Variants in MAN1A2 observed in about 807,000 individuals in gnomAD.
MAN1A2 encodes the protein mannosidase alpha class 1A member 2.
A neutral mutation model predicts 75.7 loss-of-function variants in MAN1A2; 26 were observed. The ratio of observed to expected loss-of-function variants is 0.34; its 90% CI spans 0.25 to 0.48. The LOEUF is 0.48. Among genes scored for constraint, MAN1A2 ranks in the 20% least tolerant of loss-of-function variants. The pLI, the probability that MAN1A2 is intolerant of heterozygous loss-of-function variation, is 0.99. For missense variants in MAN1A2, 562 were observed against 775.5 expected (o/e 0.72, Z 3.27); for synonymous variants, 247 against 264.6 (o/e 0.93, Z 0.65).
chr1:117,445,848 GTGTGTGTGTGTA>G (rs1179018618), intron 6 of MAN1A2, among the ~76,000 whole-genome samples: 63 of 89,860 alleles, frequency 7.0e-4, no homozygotes, highest in Admixed American at 2.3e-3. Context: ...ATTTGTGTGT[GTGTGTGTGTGTA>G]TGTGTGTGTG....
intron 1 of MAN1A2, among the ~76,000 whole-genome samples, chr1:117,397,562 G>A (rs959575460): frequency 3.3e-5 from 5 of 150,528 alleles, no homozygotes; most frequent in Admixed American, 3.3e-4. Context: ...ATAACACCTT[G>A]TCATTAATTT....
At chr1:117,510,865 G>T (rs531465663) in intron 12 of MAN1A2, among the ~76,000 whole-genome samples, 8 of 151,964 alleles carry the variant, frequency 5.3e-5, no homozygotes, top group Non-Finnish European at 8.8e-5. Flanking sequence ...GTGCCTGCCT[G>T]TAAAAATATG....
At chr1:117,445,880 G>A (rs1319006697) in intron 6 of MAN1A2, among the ~76,000 whole-genome samples, 24,009 of 118,818 alleles carry the variant, frequency 0.2, 3,840 homozygotes, top group East Asian at 0.41. Flanking sequence ...GTGTCTGTGT[G>A]TGTGTATATA....
In MAN1A2 at chr1:117,458,523, A is replaced by ATTTTTTTTTTTTTTTTT. The variant is rs5777311; in HGVS notation, c.951-1965_951-1949dup. On this transcript the variant is annotated intron_variant, in intron 6 of 12. Coordinates refer to ENST00000356554, the MANE Select transcript of MAN1A2 (RefSeq NM_006699.5). ...TATATATATATATAGATATATATAT[A>ATTTTTTTTTTTTTTTTT]TTTTTTTTTTTTTTTTTGAGACAGA... 5.2e-4 allele frequency among the ~76,000 whole-genome samples: 55 copies of ATTTTTTTTTTTTTTTTT among 105,568 alleles called. 1 individual carries two copies. The highest frequency in any genetic ancestry group is 7.0e-4 in the Non-Finnish European group (35 of 50,176). 69.3% of individuals were successfully genotyped at this position (105,568 alleles called of 152,430 possible).
At chr1:117,411,279 T>C (rs893822924) in intron 3 of MAN1A2, among the ~76,000 whole-genome samples, 1 of 151,770 alleles carries the variant, frequency 6.6e-6, no homozygotes, top group African/African-American at 2.4e-5. Flanking sequence ...GAAATAGAAG[T>C]GTACATACAT....
chr1:117,518,319 A>G (rs1651776560), intron 12 of MAN1A2, among the ~76,000 whole-genome samples: 2 of 152,062 alleles, frequency 1.3e-5, no homozygotes, highest in South Asian at 4.1e-4. Context: ...TTATTCTTGG[A>G]AAATCACTGT....
chr1:117,398,542 C>T (rs187770379), intron 1 of MAN1A2, among the ~76,000 whole-genome samples: 172 of 152,008 alleles, frequency 1.1e-3, no homozygotes, highest in Non-Finnish European at 1.9e-3. Flanking sequence ...GGCGTGGTGG[C>T]GTGTGCCTGT....
intron 4 of MAN1A2, among the ~76,000 whole-genome samples, chr1:117,415,839 A>G (rs1218942343): frequency 6.6e-6 from 1 of 152,020 alleles, no homozygotes; most frequent in African/African-American, 2.4e-5. Context: ...TATCCAGTTG[A>G]CAGAAAGAAT....
intron 6 of MAN1A2, among the ~76,000 whole-genome samples, chr1:117,456,241 TA>T (rs1391610742): frequency 6.6e-6 from 1 of 152,016 alleles, no homozygotes; most frequent in Admixed American, 6.6e-5. Flanking sequence ...TGGTAGTCCA[TA>T]AGGTAAAACA....
chr1:117,442,299 T>C lies in MAN1A2; in HGVS notation c.924T>C (p.Ile308=), dbSNP rs1649063435. The part of the protein sequence containing the change: ...LLPAFNTPTG[I]PWAMVNLKSG... ...CTGCCTTTAACACACCTACTGGGAT[T>C]CCTTGGGCAATGGTGAATTTGAAAA... is the stretch of plus-strand genomic sequence containing the variant. The change falls in exon 6 of 13, where the codon ATT becomes ATC. Residue 308 remains isoleucine, a synonymous_variant. Transcript: ENST00000356554. The C allele has an allele frequency of 1.9e-6, 3 of 1,611,172 alleles. No individual in the cohort carries two copies. The highest frequency in any genetic ancestry group is 3.3e-5 in the Admixed American group (2 of 60,006).
At chr1:117,455,242 C>A (rs1335939283) in intron 6 of MAN1A2, among the ~76,000 whole-genome samples, 29 of 152,054 alleles carry the variant, frequency 1.9e-4, no homozygotes. Flanking sequence ...AGTGAAAGAG[C>A]CAAACACAGG....
chr1:117,476,853 T>C (rs1650329381), intron 8 of MAN1A2, among the ~76,000 whole-genome samples: 1 of 152,104 alleles, frequency 6.6e-6, no homozygotes, highest in African/African-American at 2.4e-5. Flanking sequence ...TCTTTTTTGG[T>C]TCCATATGAA....
At chr1:117,497,032 T>TA (rs748020319) in intron 10 of MAN1A2, 50 bp downstream of exon 10, 113 of 1,449,426 alleles carry the variant, frequency 7.8e-5, no homozygotes, top group Non-Finnish European at 9.8e-5. Context: ...ATCTCTAAGT[T>TA]AAAAATGTGT....
intron 5 of MAN1A2, among the ~76,000 whole-genome samples, chr1:117,438,845 A>G (rs1451738701): frequency 2.0e-5 from 3 of 152,212 alleles, no homozygotes; most frequent in Admixed American, 6.5e-5. Flanking sequence ...TGATGTTTGC[A>G]CAATGACAAA....
chr1:117,402,160 C>T (rs377026030), intron 1 of MAN1A2, 26 bp from the exon 2 acceptor site: 49 of 1,588,292 alleles, frequency 3.1e-5, no homozygotes, highest in South Asian at 2.0e-4. Context: ...CTCACTGTTA[C>T]GTTTTATTTC....
At chr1:117,516,322 T>A (rs1355429866) in intron 12 of MAN1A2, among the ~76,000 whole-genome samples, 1 of 152,138 alleles carries the variant, frequency 6.6e-6, no homozygotes, top group Non-Finnish European at 1.5e-5. Context: ...ATGTATTTAA[T>A]GTCCATTTTC....
At chr1:117,461,136 T>C (rs1390669014) in intron 7 of MAN1A2, among the ~76,000 whole-genome samples, 3 of 152,194 alleles carry the variant, frequency 2.0e-5, no homozygotes, top group Admixed American at 6.5e-5. Context: ...CAAAAAGATA[T>C]CTTATGTAAT....
intron 12 of MAN1A2, among the ~76,000 whole-genome samples, chr1:117,514,204 A>T (rs1203645892): frequency 6.7e-6 from 1 of 148,624 alleles, no homozygotes; most frequent in Non-Finnish European, 1.5e-5. Context: ...CTCTACTAAA[A>T]ATACAAAAAT....
rs1306478257 is a variant in MAN1A2 at position 117,528,099 on chromosome 1, C to G, written c.*5142C>G. 1 of 151,978 alleles carries G rather than the reference C, an allele frequency of 6.6e-6. No individual in the cohort carries two copies. The highest frequency in any genetic ancestry group is 1.9e-4 in the East Asian group (1 of 5,192). 9.4% of individuals were successfully genotyped at this position (151,978 alleles called of 1,614,324 possible). On this transcript the variant is annotated 3_prime_UTR_variant, in exon 13 of 13. Coordinates refer to ENST00000356554, the MANE Select transcript of MAN1A2 (RefSeq NM_006699.5). The stretch of plus-strand genomic sequence containing the variant: ...TGCATCATTTTCAACTAAAGCATAC[C>G]TCATCCTTAAACTTCCACTATTTAA...
Sources: allele counts gnomAD v4.1 joint callset (sites outside exome capture counted in the v4.1 genomes callset), GRCh38; gene constraint gnomAD v4.1.1; transcripts MANE v1.5; gene names NCBI Gene and HGNC (gene_info 2026-07-23, HGNC 2026-07-21).